Variants in SYT1 observed in about 807,000 individuals in gnomAD.
SYT1 encodes synaptotagmin-1.
In SYT1, 8 loss-of-function variants were observed where a neutral mutation model predicts 44.8. The observed-to-expected ratio is 0.18, with a 90% confidence interval of 0.10 to 0.32. The LOEUF is 0.32. SYT1 is among the 10% of genes least tolerant of loss of function. The pLI is 1.00. For missense variants in SYT1, 286 were observed against 509.3 expected (o/e 0.56, Z 4.22); for synonymous variants, 154 against 188.8 (o/e 0.82, Z 1.51).
At chr12:78,981,077 T>C (rs1402937240) in intron 2 of SYT1, among the ~76,000 whole-genome samples, 1 of 151,836 alleles carries the variant, frequency 6.6e-6, no homozygotes, top group Non-Finnish European at 1.5e-5. Context: ...GTGTATTCAA[T>C]GGTTTGTTTG....
intron 1 of SYT1, among the ~76,000 whole-genome samples, chr12:78,972,555 T>A (rs1868457997): frequency 6.6e-6 from 1 of 151,290 alleles, no homozygotes; most frequent in Non-Finnish European, 1.5e-5. Flanking sequence ...ATATATATAT[T>A]TATGAGGCAC....
chr12:79,004,158 G>A (rs560175956), intron 2 of SYT1, among the ~76,000 whole-genome samples: 94 of 151,782 alleles, frequency 6.2e-4, no homozygotes, highest in Middle Eastern at 3.4e-3. Context: ...AATTTTATTC[G>A]ATTTACAGTT....
At chr12:79,187,852 C>T (rs894054439) in intron 3 of SYT1, among the ~76,000 whole-genome samples, 4 of 152,130 alleles carry the variant, frequency 2.6e-5, no homozygotes, top group Non-Finnish European at 5.9e-5. Flanking sequence ...CAGCCTACCA[C>T]AATGCCCCTG....
At chr12:79,421,641 T>C (rs1387009746) in intron 9 of SYT1, among the ~76,000 whole-genome samples, 1 of 152,118 alleles carries the variant, frequency 6.6e-6, no homozygotes, top group Non-Finnish European at 1.5e-5. Context: ...AATGCTGTTA[T>C]GGAGACATTT....
At chr12:78,907,429 A>T (rs1489045847) in intron 1 of SYT1, among the ~76,000 whole-genome samples, 2 of 151,998 alleles carry the variant, frequency 1.3e-5, no homozygotes, top group Non-Finnish European at 2.9e-5. Context: ...TTTATGTATA[A>T]ATCAGAATAT....
At chr12:78,885,617 T>C (rs981310524) in intron 1 of SYT1, among the ~76,000 whole-genome samples, 6 of 152,002 alleles carry the variant, frequency 3.9e-5, no homozygotes, top group African/African-American at 1.4e-4. Flanking sequence ...CCATGCCTGG[T>C]GATTTCAAAG....
At chr12:79,434,569 T>A (rs1325664999) in intron 9 of SYT1, among the ~76,000 whole-genome samples, 1 of 152,200 alleles carries the variant, frequency 6.6e-6, no homozygotes, top group African/African-American at 2.4e-5. Context: ...ACTGATGAAC[T>A]AAGGCTTAAT....
chr12:78,946,353 G>T (rs1878654368), intron 1 of SYT1, among the ~76,000 whole-genome samples: 1 of 152,000 alleles, frequency 6.6e-6, no homozygotes, highest in Non-Finnish European at 1.5e-5. Context: ...CATACGTAAT[G>T]GATAAAAGCT....
At chr12:79,431,507 TATTTTATTA>T (rs1295247560) in intron 9 of SYT1, among the ~76,000 whole-genome samples, 2 of 108,334 alleles carry the variant, frequency 1.8e-5, no homozygotes, top group Non-Finnish European at 4.2e-5. Context: ...TATTTTATTT[TATTTTATTA>T]TTTATTTATT....
intron 1 of SYT1, among the ~76,000 whole-genome samples, chr12:78,939,244 T>C (rs1878226182): frequency 6.6e-6 from 1 of 152,214 alleles, no homozygotes; most frequent in Admixed American, 6.5e-5. Context: ...CTATGAGTTA[T>C]TAAAGAGAAT....
rs1871969949 is a variant in SYT1, at chr12:79,018,567, A to G, written c.-83-28730A>G. On this transcript the variant is annotated intron_variant, in intron 2 of 10. Transcript: ENST00000261205. The stretch of plus-strand genomic sequence containing the variant: ...AAATTCTAAGTGAAAACCAAGTACC[A>G]AGAAAGGAAAGAGCTGCTAGAAGTG... Among the ~76,000 whole-genome samples the G allele has an allele frequency of 4.6e-5, 7 of 152,104 alleles. No homozygotes were observed. In the South Asian group the frequency reaches 1.5e-3, roughly 32 times the overall value.
intron 9 of SYT1, chr12:79,393,172 T>C (rs1884735584): frequency 6.6e-6 from 1 of 152,176 alleles, no homozygotes; most frequent in Non-Finnish European, 1.5e-5. Flanking sequence ...CCATGGTGTA[T>C]ATGTGCCACA....
chr12:79,198,010 T>C (rs897197968), intron 3 of SYT1, among the ~76,000 whole-genome samples: 1 of 152,142 alleles, frequency 6.6e-6, no homozygotes, highest in Non-Finnish European at 1.5e-5. Flanking sequence ...TTCTAAATAT[T>C]AAATCCATTT....
chr12:78,890,927 G>T (rs956978532), intron 1 of SYT1, among the ~76,000 whole-genome samples: 4 of 151,824 alleles, frequency 2.6e-5, no homozygotes, highest in Non-Finnish European at 5.9e-5. Flanking sequence ...TTATGCCATA[G>T]AACTATGCTC....
At chr12:78,973,316 T>C (rs749592679) in intron 1 of SYT1, among the ~76,000 whole-genome samples, 95 of 152,274 alleles carry the variant, frequency 6.2e-4, no homozygotes, top group Non-Finnish European at 1.1e-3. Flanking sequence ...TTATTAACTA[T>C]ACTCACCATG....
Position 79,155,470 on chromosome 12 carries a change from GTT to G in SYT1, c.-17-62031_-17-62030del, listed in dbSNP as rs76333483. On this transcript the variant is annotated intron_variant, in intron 3 of 10. Coordinates refer to ENST00000261205, the MANE Select transcript of SYT1 (RefSeq NM_005639.3). ...GCATTAACAATCCAAACATGCCTGAGTTTCTCTGTTGACATTATATTCTTTTA... is the reference window on the plus strand; with the variant it reads ...GCATTAACAATCCAAACATGCCTGAGTCTCTGTTGACATTATATTCTTTTA... 5.5e-3 allele frequency among the ~76,000 whole-genome samples: 845 copies of G among 152,264 alleles called. 32 individuals are homozygous for G. In the East Asian group the frequency reaches 0.093, roughly 17 times the overall value.
intron 1 of SYT1, among the ~76,000 whole-genome samples, chr12:78,928,594 G>A (rs1340013853): frequency 6.6e-6 from 1 of 152,020 alleles, no homozygotes; most frequent in Non-Finnish European, 1.5e-5. Context: ...TTATTCTGAA[G>A]TCAATTAAGG....
intron 2 of SYT1, among the ~76,000 whole-genome samples, chr12:78,983,076 T>G (rs1869387669): frequency 1.3e-5 from 2 of 148,838 alleles, no homozygotes; most frequent in South Asian, 4.2e-4. Flanking sequence ...TGTCTAAATT[T>G]TCTTCTTCCA....
chr12:78,871,190 A>G (rs533790112), intron 1 of SYT1, among the ~76,000 whole-genome samples: 18 of 152,186 alleles, frequency 1.2e-4, no homozygotes, highest in Admixed American at 9.2e-4. Context: ...ATTATCCCAG[A>G]TAACTGACAA....
Sources: allele counts gnomAD v4.1 joint callset (sites outside exome capture counted in the v4.1 genomes callset), GRCh38; gene constraint gnomAD v4.1.1; transcripts MANE v1.5; gene names NCBI Gene and HGNC (gene_info 2026-07-23, HGNC 2026-07-21).